CWC25: variants seen among roughly 807,000 people sequenced by gnomAD.
The protein encoded by CWC25 is pre-mRNA-splicing factor CWC25 homolog.
A neutral mutation model predicts 54.6 loss-of-function variants in CWC25; 31 were observed. The ratio of observed to expected loss-of-function variants is 0.57; its 90% CI spans 0.43 to 0.77. The LOEUF is 0.77. Ranked by LOEUF, CWC25 falls within the 30% of genes least tolerant of loss-of-function variation. CWC25 has a pLI of 0.00. For synonymous variants in CWC25, 151 were observed against 187.0 expected, an observed-to-expected ratio of 0.81 and a Z score of 1.57; for missense variants, 453 against 529.3, an observed-to-expected ratio of 0.86 and a Z score of 1.41.
Position 38,825,210 on chromosome 17 carries a change from C to T in CWC25, c.-27G>A. Reference sequence around the variant, plus strand: ...ACGGTGGAGACGATTCCTCACTACGCGGATCTGGAAGATTTCGGGAGGATC... The same window carrying T: ...ACGGTGGAGACGATTCCTCACTACGTGGATCTGGAAGATTTCGGGAGGATC... On this transcript the variant is annotated 5_prime_UTR_variant, in exon 1 of 10. Transcript: ENST00000614790. The T allele has an allele frequency of 6.3e-7, 1 of 1,587,534 alleles. No individual in the cohort carries two copies. Among genetic ancestry groups the T allele is most frequent in the Non-Finnish European group, 8.6e-7 (1 of 1,167,854 alleles).
rs1911086790 is a variant in CWC25 at position 38,802,880 on chromosome 17, A to G, written c.1002-19T>C. On this transcript the variant is annotated intron_variant, in intron 8 of 9. Coordinates refer to ENST00000614790, the MANE Select transcript of CWC25 (RefSeq NM_017748.5). ...GAGTTTTCTGTTGAGCACAGAAACC[A>G]TACGATCAGGTCTCTTCCAGCAAAA... is the stretch of plus-strand genomic sequence containing the variant. 6.2e-7 allele frequency: 1 copy of G among 1,613,586 alleles called. No individual in the cohort carries two copies. The highest frequency in any genetic ancestry group is 8.5e-7 in the Non-Finnish European group (1 of 1,179,802).
chr17:38,822,593 T>C (rs969253715), intron 1 of CWC25, among the ~76,000 whole-genome samples: 4 of 152,162 alleles, frequency 2.6e-5, no homozygotes, highest in African/African-American at 7.2e-5. Context: ...AAGTAAGTAA[T>C]ATCTAAAGAC....
intron 9 of CWC25, 82 bp from the exon 10 acceptor site, chr17:38,802,288 T>A: frequency 1.1e-6 from 1 of 935,314 alleles, no homozygotes; most frequent in Non-Finnish European, 1.7e-6. Context: ...AGAAATGGGT[T>A]GTTAGCCATA....
chr17:38,824,600 C>G (rs1912065831), intron 1 of CWC25, among the ~76,000 whole-genome samples: 1 of 151,928 alleles, frequency 6.6e-6, no homozygotes, highest in African/African-American at 2.4e-5. Flanking sequence ...GCAGGAGAAT[C>G]GCTTGAACCC....
At chr17:38,820,858 T>C (rs773755932) in intron 2 of CWC25, 43 bp downstream of exon 2, 9 of 1,581,886 alleles carry the variant, frequency 5.7e-6, no homozygotes, top group Non-Finnish European at 7.7e-6. Context: ...AGGACAGCTC[T>C]GCAATTCCCT....
chr17:38,804,707 CT>C (rs1157125389), intron 8 of CWC25, among the ~76,000 whole-genome samples: 2 of 148,094 alleles, frequency 1.4e-5, no homozygotes, highest in African/African-American at 5.0e-5. Flanking sequence ...ACTCGGGAGG[CT>C]GAGGCAGGAG....
In CWC25 at chr17:38,809,709, C is replaced by T. The variant is rs1384943639; in HGVS notation, c.683G>A (p.Gly228Asp). The T allele has an allele frequency of 6.8e-6, 11 of 1,613,746 alleles. No individual in the cohort carries two copies. The highest frequency in any genetic ancestry group is 9.3e-6 in the Non-Finnish European group (11 of 1,179,814). ...AGAAGCCCACATCCCTACCTGTAAG[C>T]CATATCCAGGGACTTTGGACAAAAC... ...SPVLSKVPGY[G>D]LQVRNSDRNQ... Residue 228 changes from glycine to aspartate, a missense_variant, in exon 6 of 10, where the codon GGC (glycine) becomes GAC (aspartate). Gly to Asp is a moderately conservative substitution (Grantham distance 94). Transcript: ENST00000614790.
At chr17:38,804,251 A>G (rs1204808100) in intron 8 of CWC25, among the ~76,000 whole-genome samples, 1 of 152,180 alleles carries the variant, frequency 6.6e-6, no homozygotes, top group Non-Finnish European at 1.5e-5. Context: ...ATGAATCCAC[A>G]TACTCACTGA....
chr17:38,815,804 CA>C (rs1911673337), intron 2 of CWC25: 1 of 573,572 alleles, frequency 1.7e-6, no homozygotes, highest in Non-Finnish European at 2.6e-6. Context: ...TTTCAGTGAC[CA>C]CATACGCAGT....
chr17:38,815,362 C>A (rs1911655784), intron 2 of CWC25, among the ~76,000 whole-genome samples: 2 of 152,098 alleles, frequency 1.3e-5, no homozygotes, highest in Non-Finnish European at 2.9e-5. Flanking sequence ...TCGAGACCAG[C>A]CTGGCCAACA....
chr17:38,809,698 C>T lies in CWC25; in HGVS notation c.690+4G>A. 6.2e-7 allele frequency: 1 copy of T among 1,613,682 alleles called. No individual in the cohort carries two copies. The highest frequency in any genetic ancestry group is 1.3e-5 in the African/African-American group (1 of 75,022). On this transcript the variant is annotated splice_donor_region_variant and intron_variant, in intron 6 of 9. Coordinates refer to ENST00000614790, the MANE Select transcript of CWC25 (RefSeq NM_017748.5). The stretch of plus-strand genomic sequence containing the variant: ...CACTCCTTTCAAGAAGCCCACATCC[C>T]TACCTGTAAGCCATATCCAGGGACT...
At chr17:38,816,065 T>A (rs1289995452) in intron 2 of CWC25, among the ~76,000 whole-genome samples, 2 of 151,988 alleles carry the variant, frequency 1.3e-5, no homozygotes, top group Non-Finnish European at 2.9e-5. Flanking sequence ...TTCCCTGCGG[T>A]TCTGGGAGAA....
At position 38,800,551 on chromosome 17, in the gene CWC25, C is replaced by G. The variant is rs1910962899; in HGVS notation, c.*1541G>C. 2 of 152,176 alleles carry G rather than the reference C, an allele frequency of 1.3e-5. No homozygotes were observed. Among genetic ancestry groups the G allele is most frequent in the African/African-American group, 4.8e-5 (2 of 41,420 alleles). The allele number at this position is 152,176 out of a possible 1,614,324, so 9.4% of individuals were successfully genotyped here. A position where few individuals can be genotyped will look rare whatever the true frequency, so the allele number is the denominator to read the frequency against. Reference sequence around the variant, plus strand: ...TGAATAAAAACGTATGTTACATTCTCTAGGGAAAGATCGGGTTTCAAGCAT... The same window carrying G: ...TGAATAAAAACGTATGTTACATTCTGTAGGGAAAGATCGGGTTTCAAGCAT... On this transcript the variant is annotated 3_prime_UTR_variant, in exon 10 of 10. Transcript: ENST00000614790.
At chr17:38,809,906 T>C in intron 5 of CWC25, 141 bp from the exon 6 acceptor site, 1 of 721,372 alleles carries the variant, frequency 1.4e-6, no homozygotes. Flanking sequence ...CGTTTCTCTA[T>C]TTGGACTGTC....
At chr17:38,811,465 G>A (rs1365366930) in intron 4 of CWC25, among the ~76,000 whole-genome samples, 5 of 151,044 alleles carry the variant, frequency 3.3e-5, no homozygotes, top group East Asian at 1.9e-4. Context: ...CCTGGGAGGC[G>A]GAGTTTGCAG....
intron 5 of CWC25, chr17:38,810,144 G>A (rs1417790049): frequency 3.2e-5 from 14 of 431,312 alleles, no homozygotes. Context: ...GCCCACTTCA[G>A]TCTTGAAGGA....
At chr17:38,815,206 T>A in intron 2 of CWC25, 109 bp from the exon 3 acceptor site, 1 of 940,638 alleles carries the variant, frequency 1.1e-6, no homozygotes. Flanking sequence ...TAATCAGAGT[T>A]CATTCTACTG....
In CWC25 at chr17:38,802,068, A is replaced by G; in HGVS notation, c.*24T>C. On this transcript the variant is annotated 3_prime_UTR_variant, in exon 10 of 10. Coordinates refer to ENST00000614790, the MANE Select transcript of CWC25 (RefSeq NM_017748.5). ...GCAGCTTCCCTGGAAAATGCAGGAA[A>G]ACCAATAAGAGAGGGGACAGTTTTC... 6.7e-7 allele frequency: 1 copy of G among 1,486,812 alleles called. No individual in the cohort carries two copies. Among genetic ancestry groups the G allele is most frequent in the African/African-American group, 1.4e-5 (1 of 72,478 alleles). 92.1% of individuals were successfully genotyped at this position (1,486,812 alleles called of 1,614,324 possible).
chr17:38,823,264 AT>A (rs1185101836), intron 1 of CWC25, among the ~76,000 whole-genome samples: 2 of 148,344 alleles, frequency 1.3e-5, no homozygotes, highest in Non-Finnish European at 3.0e-5. Flanking sequence ...GGTTCAAGCG[AT>A]TCTCCTGCCT....
Sources: gnomAD v4.1 joint callset for allele counts (sites outside exome capture counted in the v4.1 genomes callset) on GRCh38, gnomAD v4.1.1 for gene constraint, MANE v1.5 for transcripts, NCBI Gene and HGNC (gene_info 2026-07-23, HGNC 2026-07-21) for gene names.